NRCAM: variants seen among roughly 807,000 people sequenced by gnomAD.
NRCAM encodes the protein neuronal cell adhesion molecule, also known as NgCAM-related cell adhesion molecule.
NRCAM carries 83 observed loss-of-function variants against 156.5 expected under a neutral mutation model. The observed-to-expected ratio is 0.53, with a 90% confidence interval of 0.44 to 0.64. NRCAM has a LOEUF of 0.64. Ranked by LOEUF, NRCAM falls within the 30% of genes least tolerant of loss-of-function variation. The pLI, the probability that NRCAM is intolerant of heterozygous loss-of-function variation, is 0.00. For missense variants in NRCAM, 1,417 were observed against 1,597.3 expected (o/e 0.89, Z 1.92); for synonymous variants, 538 against 563.9 (o/e 0.95, Z 0.65).
chr7:108,253,486 G>A (rs1446698023), intron 3 of NRCAM, among the ~76,000 whole-genome samples: 1 of 152,178 alleles, frequency 6.6e-6, no homozygotes, highest in African/African-American at 2.4e-5. Flanking sequence ...TCTGGCAAGT[G>A]CCCAGAAGGG....
At chr7:108,171,610 T>C (rs1262420603) in intron 28 of NRCAM, among the ~76,000 whole-genome samples, 1 of 152,182 alleles carries the variant, frequency 6.6e-6, no homozygotes, top group African/African-American at 2.4e-5. Context: ...TTGTGAAGCT[T>C]TTCCTGATCC....
At chr7:108,212,753 T>A (rs2085368349) in intron 11 of NRCAM, among the ~76,000 whole-genome samples, 2 of 152,138 alleles carry the variant, frequency 1.3e-5, no homozygotes, top group South Asian at 4.1e-4. Context: ...GGGATTATGT[T>A]AAATGACCAA....
rs548229912 is a variant in NRCAM, at chr7:108,298,481, T to C, written c.-107+14184A>G. Among the ~76,000 whole-genome samples the C allele has an allele frequency of 4.9e-4, 56 of 115,094 alleles. No individual in the cohort carries two copies. In the East Asian group the frequency reaches 0.012, roughly 25 times the overall value. 75.5% of individuals were successfully genotyped at this position (115,094 alleles called of 152,430 possible). A position where few individuals can be genotyped will look rare whatever the true frequency, so the allele number is the denominator to read the frequency against. ...TAACACGGTGAAACCCCGTCTGTAA[T>C]AAAAATACAAAAAAAAAAAAAATTA... On this transcript the variant is annotated intron_variant, in intron 3 of 32. Coordinates refer to ENST00000379028, the MANE Select transcript of NRCAM (RefSeq NM_001037132.4).
chr7:108,176,614 T>A lies in NRCAM; in HGVS notation c.2975-8A>T. On this transcript the variant is annotated splice_polypyrimidine_tract_variant and splice_region_variant and intron_variant, in intron 26 of 32. Coordinates refer to ENST00000379028, the MANE Select transcript of NRCAM (RefSeq NM_001037132.4). ...ATTCATGTGTGCTGTTAACTGTCAA[T>A]AAGAAATAATGAACAAGTGCATTCT... The A allele has an allele frequency of 6.2e-7, 1 of 1,603,888 alleles. No homozygotes were observed. Among genetic ancestry groups the A allele is most frequent in the Non-Finnish European group, 8.5e-7 (1 of 1,174,090 alleles).
At chr7:108,381,150 G>A (rs967046467) in intron 2 of NRCAM, among the ~76,000 whole-genome samples, 4 of 135,422 alleles carry the variant, frequency 3.0e-5, no homozygotes, top group South Asian at 2.5e-4. Flanking sequence ...TTAAATATAC[G>A]TATGTAGCTA....
chr7:108,337,620 G>A (rs189996829), intron 2 of NRCAM, among the ~76,000 whole-genome samples: 9 of 152,254 alleles, frequency 5.9e-5, no homozygotes, highest in African/African-American at 1.9e-4. Flanking sequence ...TCTCTTCCAT[G>A]ACCCACGGCT....
At chr7:108,264,514 G>T (rs1043139255) in intron 3 of NRCAM, among the ~76,000 whole-genome samples, 1 of 152,146 alleles carries the variant, frequency 6.6e-6, no homozygotes, top group African/African-American at 2.4e-5. Context: ...TCCTTAAAAT[G>T]AGCACTCTAA....
At chr7:108,159,213 T>C (rs1055206158) in intron 32 of NRCAM, 8 of 660,132 alleles carry the variant, frequency 1.2e-5, no homozygotes, top group African/African-American at 5.3e-5. Flanking sequence ...CATGGTCCCA[T>C]GGAAAATATG....
intron 3 of NRCAM, among the ~76,000 whole-genome samples, chr7:108,262,343 G>A (rs914977691): frequency 6.6e-6 from 1 of 152,098 alleles, no homozygotes; most frequent in African/African-American, 2.4e-5. Context: ...TGTGTTTGAT[G>A]TGTGTATTTT....
In NRCAM at chr7:108,418,246, T is replaced by A. The variant is rs75408506; in HGVS notation, c.-331-18653A>T. On this transcript the variant is annotated intron_variant, in intron 1 of 32. Coordinates refer to ENST00000379028, the MANE Select transcript of NRCAM (RefSeq NM_001037132.4). Reference sequence around the variant, plus strand: ...CTGACTTGTATTTCTGGAGATTCTCTCCAGAAATTGGTAGAGATTCTCTCA... The same window carrying A: ...CTGACTTGTATTTCTGGAGATTCTCACCAGAAATTGGTAGAGATTCTCTCA... 6.2e-3 allele frequency among the ~76,000 whole-genome samples: 943 copies of A among 152,176 alleles called. 5 individuals are homozygous for A. Among genetic ancestry groups the A allele is most frequent in the Non-Finnish European group, 0.011 (740 of 67,996 alleles).
At chr7:108,167,839 G>A (rs1456820142) in intron 29 of NRCAM, among the ~76,000 whole-genome samples, 1 of 151,972 alleles carries the variant, frequency 6.6e-6, no homozygotes, top group Non-Finnish European at 1.5e-5. Flanking sequence ...AATTTTCTGC[G>A]GTTTCTTATA....
At position 108,207,545 on chromosome 7, in the gene NRCAM, T is replaced by A; in HGVS notation, c.1190A>T (p.Asn397Ile). The A allele has an allele frequency of 6.2e-7, 1 of 1,613,962 alleles. No homozygotes were observed. Among genetic ancestry groups the A allele is most frequent in the South Asian group, 1.1e-5 (1 of 91,054 alleles). ...NPKPRISWLT[N>I]GVPIEIAPDD... ...CAACTTACTTTCTATTGGGACTCCA[T>A]TTGTTAACCAGCTAATTCTGGGTTT... Residue 397 changes from asparagine (N) to isoleucine (I), a missense_variant, in exon 13 of 33, where the codon AAT (asparagine) becomes ATT (isoleucine). Transcript: ENST00000379028.
intron 3 of NRCAM, among the ~76,000 whole-genome samples, chr7:108,245,999 T>C (rs1474874138): frequency 6.6e-6 from 1 of 152,234 alleles, no homozygotes; most frequent in Non-Finnish European, 1.5e-5. Flanking sequence ...TGACCAAGGA[T>C]GGCACCTGTT....
chr7:108,167,135 G>A, intron 29 of NRCAM, 62 bp from the exon 30 acceptor site: 1 of 1,333,526 alleles, frequency 7.5e-7, no homozygotes, highest in East Asian at 2.4e-5. Context: ...GTCACTTAAT[G>A]CTTCAAGAAA....
At chr7:108,298,965 G>A (rs956104048) in intron 3 of NRCAM, among the ~76,000 whole-genome samples, 5 of 149,360 alleles carry the variant, frequency 3.3e-5, no homozygotes, top group African/African-American at 7.4e-5. Flanking sequence ...AATTAGCTGC[G>A]CCTGGTGGTG....
chr7:108,302,156 G>A (rs887992764), intron 3 of NRCAM, among the ~76,000 whole-genome samples: 7 of 151,728 alleles, frequency 4.6e-5, no homozygotes, highest in Admixed American at 3.3e-4. Context: ...ATATTGTTCC[G>A]TGTTATTGCT....
chr7:108,326,852 A>T (rs2099074362), intron 2 of NRCAM, among the ~76,000 whole-genome samples: 1 of 152,192 alleles, frequency 6.6e-6, no homozygotes. Flanking sequence ...GACCAGGGAC[A>T]AGAGAAAGCA....
intron 1 of NRCAM, among the ~76,000 whole-genome samples, chr7:108,408,676 C>T (rs960080735): frequency 2.0e-5 from 3 of 152,250 alleles, no homozygotes; most frequent in Admixed American, 6.5e-5. Flanking sequence ...GTCTTTACTC[C>T]GTTACTAATA....
At chr7:108,160,597 A>G (rs1045358490) in intron 30 of NRCAM, 105 bp from the exon 31 acceptor site, 5 of 877,546 alleles carry the variant, frequency 5.7e-6, no homozygotes, top group East Asian at 2.9e-5. Flanking sequence ...GCTTTCATAT[A>G]TTTTACATGT....
Sources: allele counts gnomAD v4.1 joint callset (sites outside exome capture counted in the v4.1 genomes callset), GRCh38; gene constraint gnomAD v4.1.1; transcripts MANE v1.5; gene names NCBI Gene and HGNC (gene_info 2026-07-23, HGNC 2026-07-21).